Variants in FXYD6 observed in about 807,000 individuals in gnomAD.
FXYD6 encodes the protein FXYD domain containing ion transport regulator 6, also known as FXYD domain-containing ion transport regulator 6.
A neutral mutation model predicts 16.7 loss-of-function variants in FXYD6; 7 were observed. The ratio of observed to expected loss-of-function variants is 0.42; its 90% CI spans 0.24 to 0.79. The LOEUF is 0.79. FXYD6 is among the 30% of genes least tolerant of loss of function. FXYD6 has a pLI of 0.28. For missense variants in FXYD6, 111 were observed against 116.2 expected, an observed-to-expected ratio of 0.95 and a Z score of 0.21; for synonymous variants, 49 against 43.0, an observed-to-expected ratio of 1.14 and a Z score of -0.54.
intron 1 of FXYD6, among the ~76,000 whole-genome samples, chr11:117,843,442 A>T (rs2056403112): frequency 1.3e-5 from 2 of 152,072 alleles, no homozygotes; most frequent in South Asian, 4.1e-4. Context: ...GACTTTGAAG[A>T]TCTCAACTGT....
rs543856206 is a variant in FXYD6 at position 117,872,023 on chromosome 11, A to G, written c.-6+4569T>C. Among the ~76,000 whole-genome samples, 5 of 152,230 alleles carry G rather than the reference A, an allele frequency of 3.3e-5. No homozygotes were observed. Among genetic ancestry groups the G allele is most frequent in the African/African-American group, 1.2e-4 (5 of 41,518 alleles). On this transcript the variant is annotated intron_variant, in intron 1 of 7. Coordinates refer to ENST00000526014, the MANE Select transcript of FXYD6 (RefSeq NM_022003.4). This position sits in a 1 kb window ranked among gnomAD's most constrained non-coding sequence, Gnocchi z 4.9. The stretch of plus-strand genomic sequence containing the variant: ...GTCACGCTGAGCCTGGAGTGCCTAC[A>G]CCATGTACCTGTGCTTATTAATAGG...
intron 1 of FXYD6, among the ~76,000 whole-genome samples, chr11:117,861,860 G>A (rs1047251559): frequency 6.6e-6 from 1 of 152,222 alleles, no homozygotes; most frequent in Non-Finnish European, 1.5e-5. Flanking sequence ...AGCTGACACT[G>A]GCTCCCGGCC....
intron 1 of FXYD6, among the ~76,000 whole-genome samples, chr11:117,857,727 C>T (rs1398810077): frequency 6.6e-6 from 1 of 152,090 alleles, no homozygotes; most frequent in Non-Finnish European, 1.5e-5. Context: ...ATTTATATTC[C>T]TAAGACCTTA....
chr11:117,858,082 G>A (rs1353727274), intron 1 of FXYD6: 1 of 152,172 alleles, frequency 6.6e-6, no homozygotes, highest in Non-Finnish European at 1.5e-5. Context: ...TACTGGAGAG[G>A]CTGGATGTTC....
chr11:117,850,154 C>G (rs972294409), intron 1 of FXYD6, among the ~76,000 whole-genome samples: 34 of 152,222 alleles, frequency 2.2e-4, no homozygotes, highest in South Asian at 1.7e-3. Context: ...TATCCCTAAG[C>G]CTTATCTTTG....
At chr11:117,854,616 G>A (rs1174216925) in intron 1 of FXYD6, among the ~76,000 whole-genome samples, 1 of 152,230 alleles carries the variant, frequency 6.6e-6, no homozygotes, top group East Asian at 1.9e-4. Flanking sequence ...CAGCAAATAT[G>A]ACGAGAACTT....
At chr11:117,842,871 A>G in intron 1 of FXYD6, 90 bp from the exon 2 acceptor site, 1 of 1,373,330 alleles carries the variant, frequency 7.3e-7, no homozygotes, top group South Asian at 1.3e-5. Context: ...GGCCAAGCCA[A>G]ATCCCCAGCT....
At chr11:117,862,177 T>A (rs532344671) in intron 1 of FXYD6, among the ~76,000 whole-genome samples, 1 of 152,088 alleles carries the variant, frequency 6.6e-6, no homozygotes, top group African/African-American at 2.4e-5. Flanking sequence ...AGGGGCCAAG[T>A]CCCCGCAGAA....
chr11:117,853,908 T>C (rs963143315), intron 1 of FXYD6, among the ~76,000 whole-genome samples: 2 of 152,236 alleles, frequency 1.3e-5, no homozygotes, highest in African/African-American at 2.4e-5. Context: ...CCAAGCTGTG[T>C]AATAGTAAAC....
intron 1 of FXYD6, among the ~76,000 whole-genome samples, chr11:117,846,981 A>G (rs2056484616): frequency 6.6e-6 from 1 of 152,210 alleles, no homozygotes; most frequent in African/African-American, 2.4e-5. Flanking sequence ...GAGAAATGAC[A>G]TATTTCTGAT....
chr11:117,843,037 G>C (rs1171123629), intron 1 of FXYD6, among the ~76,000 whole-genome samples: 1 of 152,104 alleles, frequency 6.6e-6, no homozygotes, highest in Non-Finnish European at 1.5e-5. Flanking sequence ...AGGTTCAAGT[G>C]ATTCTTCTGC....
intron 7 of FXYD6, chr11:117,839,566 T>A: frequency 1.9e-6 from 1 of 530,166 alleles, no homozygotes; most frequent in Non-Finnish European, 3.3e-6. Flanking sequence ...TTTCCTGGTG[T>A]TGGCATGCAT....
At chr11:117,858,825 G>C (rs2134181117) in intron 1 of FXYD6, among the ~76,000 whole-genome samples, 1 of 146,212 alleles carries the variant, frequency 6.8e-6, no homozygotes, top group African/African-American at 2.5e-5. Flanking sequence ...CCAGGCTGGA[G>C]TGTGCAGTGG....
At chr11:117,868,625 G>T (rs182745541) in intron 1 of FXYD6, among the ~76,000 whole-genome samples, 1 of 151,992 alleles carries the variant, frequency 6.6e-6, no homozygotes, top group South Asian at 2.1e-4. Flanking sequence ...AGGTACAAAC[G>T]AACGACATTT....
chr11:117,842,299 T>A, intron 2 of FXYD6: 1 of 584,228 alleles, frequency 1.7e-6, no homozygotes, highest in South Asian at 2.1e-5. Flanking sequence ...TATTCTTACA[T>A]CATCCCCAGA....
At chr11:117,847,583 A>G (rs1228202043) in intron 1 of FXYD6, among the ~76,000 whole-genome samples, 1 of 135,232 alleles carries the variant, frequency 7.4e-6, no homozygotes, top group Non-Finnish European at 1.5e-5. Flanking sequence ...CTCATTGTTC[A>G]ATTCCCACCT....
chr11:117,850,307 C>T (rs772539921), intron 1 of FXYD6, among the ~76,000 whole-genome samples: 3 of 151,232 alleles, frequency 2.0e-5, no homozygotes, highest in Admixed American at 6.6e-5. Context: ...TGAAGCTGGC[C>T]GATAACATGT....
At chr11:117,858,693 TTC>T (rs1241684554) in intron 1 of FXYD6, among the ~76,000 whole-genome samples, 6 of 67,396 alleles carry the variant, frequency 8.9e-5, no homozygotes, top group Non-Finnish European at 8.2e-5. Flanking sequence ...CTTTCTTTCT[TTC>T]TTTCTTTCTC....
chr11:117,851,956 C>T (rs1034720383), intron 1 of FXYD6, among the ~76,000 whole-genome samples: 2 of 152,230 alleles, frequency 1.3e-5, no homozygotes, highest in African/African-American at 4.8e-5. Context: ...CTCAATCTTG[C>T]AGGCTGGAGC....
Sources: gnomAD v4.1 joint callset for allele counts (sites outside exome capture counted in the v4.1 genomes callset) on GRCh38, gnomAD v4.1.1 for gene constraint, Gnocchi (gnomAD v3.1) non-coding constraint, MANE v1.5 for transcripts, NCBI Gene and HGNC (gene_info 2026-07-23, HGNC 2026-07-21) for gene names.